The following PPM1H variants were observed in gnomAD, a reference collection of about 807,000 sequenced individuals.
PPM1H encodes the protein protein phosphatase, Mg2+/Mn2+ dependent 1H.
Under a neutral mutation model 54.9 loss-of-function variants are expected in PPM1H, and 27 were observed. That is an observed-to-expected ratio of 0.49 (90% confidence interval 0.36 to 0.68). PPM1H has a LOEUF of 0.68. Ranked by LOEUF, PPM1H falls within the 30% of genes least tolerant of loss-of-function variation. The pLI is 0.00. For synonymous variants in PPM1H, 305 were observed against 270.8 expected (o/e 1.13, Z -1.24); for missense variants, 596 against 667.8 (o/e 0.89, Z 1.19).
At chr12:62,770,433 C>T (rs1408768468) in intron 4 of PPM1H, among the ~76,000 whole-genome samples, 2 of 152,176 alleles carry the variant, frequency 1.3e-5, no homozygotes, top group African/African-American at 2.4e-5. Flanking sequence ...AGAATCTGTG[C>T]TATTAATCAG....
At chr12:62,760,424 C>A (rs11611307) in intron 4 of PPM1H, among the ~76,000 whole-genome samples, 96,070 of 151,600 alleles carry the variant, frequency 0.63, 31,023 homozygotes, top group African/African-American at 0.77. Context: ...GCTCCTCCTC[C>A]GGTCGCTCCC....
chr12:62,921,035 C>T (rs1383070755), intron 1 of PPM1H, among the ~76,000 whole-genome samples: 1 of 152,082 alleles, frequency 6.6e-6, no homozygotes, highest in African/African-American at 2.4e-5. Flanking sequence ...AGCAATTCTC[C>T]TGCCTCAGCC....
chr12:62,703,957 C>T (rs1349540116), intron 6 of PPM1H, among the ~76,000 whole-genome samples: 2 of 140,174 alleles, frequency 1.4e-5, no homozygotes, highest in African/African-American at 5.5e-5. Context: ...CCCCTCACTA[C>T]ATGAAAGAGA....
At chr12:62,753,967 C>T (rs1186995686) in intron 4 of PPM1H, among the ~76,000 whole-genome samples, 1 of 152,162 alleles carries the variant, frequency 6.6e-6, no homozygotes, top group Non-Finnish European at 1.5e-5. Flanking sequence ...TTTTCCCTCT[C>T]ACATTGAGAA....
intron 8 of PPM1H, among the ~76,000 whole-genome samples, chr12:62,670,568 C>T (rs1007316998): frequency 1.2e-4 from 18 of 152,226 alleles, no homozygotes; most frequent in African/African-American, 4.1e-4. Context: ...GTTATTCAAG[C>T]TGAAGTTGTC....
At chr12:62,798,493 C>A (rs2076748954) in intron 3 of PPM1H, among the ~76,000 whole-genome samples, 1 of 152,088 alleles carries the variant, frequency 6.6e-6, no homozygotes, top group Non-Finnish European at 1.5e-5. Flanking sequence ...TTTTATTTTC[C>A]TTTCACAGTG....
chr12:62,932,985 G>A (rs1283314990), intron 1 of PPM1H, among the ~76,000 whole-genome samples: 1 of 152,092 alleles, frequency 6.6e-6, no homozygotes, highest in African/African-American at 2.4e-5. Flanking sequence ...ATAGTGTTTG[G>A]TATGTTTGGC....
intron 7 of PPM1H, among the ~76,000 whole-genome samples, chr12:62,691,810 CAAA>C (rs34984420): frequency 7.8e-6 from 1 of 127,786 alleles, no homozygotes. Context: ...TGCCATGTCT[CAAA>C]AAAAAAAAAA....
chr12:62,894,379 T>C (rs780352777), intron 1 of PPM1H, among the ~76,000 whole-genome samples: 1 of 152,188 alleles, frequency 6.6e-6, no homozygotes, highest in Non-Finnish European at 1.5e-5. Context: ...AAAAGGTATT[T>C]AGATGAGAAC....
intron 4 of PPM1H, among the ~76,000 whole-genome samples, chr12:62,778,524 A>C (rs1330579654): frequency 6.6e-6 from 1 of 152,240 alleles, no homozygotes; most frequent in African/African-American, 2.4e-5. Flanking sequence ...CCAAGAGTTA[A>C]AAATGACAGA....
At chr12:62,669,454 A>G (rs1203152286) in intron 8 of PPM1H, among the ~76,000 whole-genome samples, 3 of 152,148 alleles carry the variant, frequency 2.0e-5, no homozygotes, top group Non-Finnish European at 4.4e-5. Context: ...GGTGATGCCA[A>G]TGCTGCAGGT....
chr12:62,755,379 CTG>C (rs2076466276), intron 4 of PPM1H: 1 of 805,712 alleles, frequency 1.2e-6, no homozygotes, highest in Admixed American at 1.7e-5. Context: ...ATGATTTTGT[CTG>C]TGGCAAATTC....
In PPM1H at chr12:62,689,689, C is replaced by A; in HGVS notation, c.1245+10G>T. The A allele has an allele frequency of 6.2e-7, 1 of 1,604,358 alleles. No homozygotes were observed. The highest frequency in any genetic ancestry group is 2.2e-5 in the East Asian group (1 of 44,738). On this transcript the variant is annotated intron_variant, in intron 8 of 9. Coordinates refer to ENST00000228705, the MANE Select transcript of PPM1H (RefSeq NM_020700.2). ...TTGCACAAAATATAAACAAAAACCTCATGCGGTACCTCTGGAGCTGAAGAC... is the reference window on the plus strand; with the variant it reads ...TTGCACAAAATATAAACAAAAACCTAATGCGGTACCTCTGGAGCTGAAGAC...
intron 4 of PPM1H, among the ~76,000 whole-genome samples, chr12:62,744,616 A>G (rs779403147): frequency 3.3e-5 from 5 of 152,190 alleles, no homozygotes; most frequent in Non-Finnish European, 5.9e-5. Flanking sequence ...TATTCCATCT[A>G]TGTGAGGAGT....
At chr12:62,748,756 T>A (rs2076426191) in intron 4 of PPM1H, among the ~76,000 whole-genome samples, 1 of 152,266 alleles carries the variant, frequency 6.6e-6, no homozygotes, top group South Asian at 2.1e-4. Context: ...ATGTGAGTAA[T>A]TGGTGGTAGG....
intron 1 of PPM1H, among the ~76,000 whole-genome samples, chr12:62,899,146 G>A (rs1871082936): frequency 6.6e-6 from 1 of 152,116 alleles, no homozygotes; most frequent in South Asian, 2.1e-4. Context: ...TAGCATAATG[G>A]TATCACAAAA....
At chr12:62,914,494 A>G (rs1047376848) in intron 1 of PPM1H, among the ~76,000 whole-genome samples, 1 of 152,214 alleles carries the variant, frequency 6.6e-6, no homozygotes, top group Non-Finnish European at 1.5e-5. Context: ...AGCCTGGAAA[A>G]GGAAGTGTGT....
Position 62,830,169 on chromosome 12 carries a change from G to A in PPM1H, c.411+1945C>T, listed in dbSNP as rs576663498. On this transcript the variant is annotated intron_variant, in intron 2 of 9. Coordinates refer to ENST00000228705, the MANE Select transcript of PPM1H (RefSeq NM_020700.2). ...AAGACACATGCTCAACATTTTCCAC[G>A]GACTACTGGAGTTCATATTTCCAAT... Among the ~76,000 whole-genome samples, 291 of 152,202 alleles carry A rather than the reference G, an allele frequency of 1.9e-3. 2 individuals are homozygous for A. Among genetic ancestry groups the A allele is most frequent in the African/African-American group, 6.4e-3 (264 of 41,534 alleles).
chr12:62,667,336 A>G lies in PPM1H; in HGVS notation c.1246-7T>C. 6.4e-7 allele frequency: 1 copy of G among 1,564,148 alleles called. No homozygotes were observed. The highest frequency in any genetic ancestry group is 2.3e-5 in the East Asian group (1 of 44,106). On this transcript the variant is annotated splice_polypyrimidine_tract_variant and splice_region_variant and intron_variant, in intron 8 of 9. Transcript: ENST00000228705. ...AAAGATCGTAGATTCTTACCTGAAAAAAAACAAGAATACTACCACTTAAGA... is the reference window on the plus strand; with the variant it reads ...AAAGATCGTAGATTCTTACCTGAAAGAAAACAAGAATACTACCACTTAAGA...
Sources: allele counts gnomAD v4.1 joint callset (sites outside exome capture counted in the v4.1 genomes callset), GRCh38; gene constraint gnomAD v4.1.1; transcripts MANE v1.5; gene names NCBI Gene and HGNC (gene_info 2026-07-23, HGNC 2026-07-21).